Variants in CACNA1C observed in about 807,000 individuals in gnomAD.
The protein encoded by CACNA1C is voltage-dependent L-type calcium channel subunit alpha-1C.
A neutral mutation model predicts 229.0 loss-of-function variants in CACNA1C; 30 were observed. The observed-to-expected ratio is 0.13, with a 90% CI of 0.10 to 0.18. The LOEUF is 0.18. CACNA1C is among the 10% of genes least tolerant of loss of function. The pLI is 1.00. For synonymous variants in CACNA1C, 1,114 were observed against 1,132.5 expected (o/e 0.98, Z 0.33); for missense variants, 1,658 against 2,845.0 (o/e 0.58, Z 9.49).
intron 43 of CACNA1C, 23 bp from the exon 44 acceptor site, chr12:2,685,713 G>GC (rs1338446637): frequency 6.3e-7 from 1 of 1,585,880 alleles, no homozygotes. Flanking sequence ...CCAGGAACAA[G>GC]CCCCATGAGC....
chr12:2,353,847 G>C (rs925064879), intron 3 of CACNA1C, among the ~76,000 whole-genome samples: 5 of 152,190 alleles, frequency 3.3e-5, no homozygotes, highest in Non-Finnish European at 5.9e-5. Flanking sequence ...GAGAGGCAGG[G>C]GAAGGAGATC....
At chr12:2,321,479 G>A (rs749599762) in intron 3 of CACNA1C, among the ~76,000 whole-genome samples, 3 of 152,060 alleles carry the variant, frequency 2.0e-5, no homozygotes, top group Non-Finnish European at 2.9e-5. Flanking sequence ...ATTAATTCTG[G>A]TGGTTTGATA....
At position 2,670,833 on chromosome 12, in the gene CACNA1C, G is replaced by A. The variant is rs559239460; in HGVS notation, c.4726+1798G>A. 1.9e-3 allele frequency among the ~76,000 whole-genome samples: 282 copies of A among 151,318 alleles called. No individual in the cohort carries two copies. The Middle Eastern group carries it at 0.044, about 24-fold the overall frequency. On this transcript the variant is annotated intron_variant, in intron 38 of 46. Transcript: ENST00000399655. ...GAGATCACCCCACTCTAGCCTGGGC[G>A]ACAGAGTGAGGCTCCATCTGAAAAA...
chr12:2,086,048 C>T (rs554936297), intron 1 of CACNA1C, among the ~76,000 whole-genome samples: 89 of 152,314 alleles, frequency 5.8e-4, no homozygotes, highest in South Asian at 4.1e-3. Context: ...GCAGATGCAG[C>T]GGGTTGGGCA....
intron 5 of CACNA1C, among the ~76,000 whole-genome samples, chr12:2,483,710 G>T (rs1016165860): frequency 6.6e-6 from 1 of 152,072 alleles, no homozygotes; most frequent in African/African-American, 2.4e-5. Flanking sequence ...GGTGAGTGGC[G>T]TGACCCCCAG....
intron 3 of CACNA1C, among the ~76,000 whole-genome samples, chr12:2,230,528 G>A (rs917033797): frequency 6.6e-6 from 1 of 152,208 alleles, no homozygotes; most frequent in African/African-American, 2.4e-5. Flanking sequence ...AGAACAGAAG[G>A]GAATGCTGGC....
At chr12:2,540,700 G>A (rs1237974348) in intron 9 of CACNA1C, among the ~76,000 whole-genome samples, 2 of 152,174 alleles carry the variant, frequency 1.3e-5, no homozygotes, top group Non-Finnish European at 2.9e-5. Flanking sequence ...CCAGGGACAG[G>A]GCATGACGTA....
chr12:2,254,530 G>A (rs767660479), intron 3 of CACNA1C, among the ~76,000 whole-genome samples: 2 of 152,140 alleles, frequency 1.3e-5, no homozygotes, highest in African/African-American at 4.8e-5. Context: ...CTTTTGTATC[G>A]TGCTGCGGCA....
At chr12:2,092,480 G>A (rs2071641399) in intron 1 of CACNA1C, among the ~76,000 whole-genome samples, 1 of 152,208 alleles carries the variant, frequency 6.6e-6, no homozygotes, top group African/African-American at 2.4e-5. Flanking sequence ...AAGGGAAGGA[G>A]CCTCGCACCC....
intron 3 of CACNA1C, among the ~76,000 whole-genome samples, chr12:2,434,934 T>G (rs561972260): frequency 6.6e-6 from 1 of 152,364 alleles, no homozygotes; most frequent in East Asian, 1.9e-4. Context: ...AAAACATAGC[T>G]TGGCACATAT....
rs376741836 is a variant in CACNA1C, at chr12:2,593,467, A to G, written c.2663+122A>G. The G allele has an allele frequency of 2.1e-5, 19 of 923,792 alleles. No homozygotes were observed. The Middle Eastern group carries it at 2.0e-3, about 96-fold the overall frequency. 57.2% of individuals were successfully genotyped at this position (923,792 alleles called of 1,614,324 possible). The stretch of plus-strand genomic sequence containing the variant: ...ACTCTCCCAGCTCCTTGCAAATTGT[A>G]TAAACAGGCACTCATTTAGGGAAGA... On this transcript the variant is annotated intron_variant, in intron 19 of 46. Coordinates refer to ENST00000399655, the MANE Select transcript of CACNA1C (RefSeq NM_000719.7).
chr12:2,387,313 C>A (rs991090639), intron 3 of CACNA1C, among the ~76,000 whole-genome samples: 2 of 152,062 alleles, frequency 1.3e-5, no homozygotes, highest in Non-Finnish European at 2.9e-5. Context: ...GCTGAAATCT[C>A]GGCTCTACTG....
At chr12:2,247,915 A>G (rs2074050899) in intron 3 of CACNA1C, among the ~76,000 whole-genome samples, 1 of 152,204 alleles carries the variant, frequency 6.6e-6, no homozygotes, top group Non-Finnish European at 1.5e-5. Flanking sequence ...GCCACTGCAG[A>G]GGGGGGACAG....
intron 3 of CACNA1C, among the ~76,000 whole-genome samples, chr12:2,421,433 G>A (rs1433366426): frequency 6.6e-6 from 1 of 152,102 alleles, no homozygotes; most frequent in East Asian, 1.9e-4. Context: ...CTTTTTTGAG[G>A]GACAAATGGG....
intron 3 of CACNA1C, among the ~76,000 whole-genome samples, chr12:2,234,803 CA>C (rs2066686969): frequency 6.6e-6 from 1 of 152,056 alleles, no homozygotes; most frequent in Admixed American, 6.5e-5. Flanking sequence ...TTAAAAGTAA[CA>C]GGCAGTATAG....
intron 1 of CACNA1C, among the ~76,000 whole-genome samples, chr12:2,101,547 C>T (rs74060152): frequency 3.1e-4 from 47 of 152,254 alleles, no homozygotes; most frequent in African/African-American, 1.1e-3. Context: ...CCTGTGGGTC[C>T]GTGAGCTCCG....
At chr12:2,249,872 G>A (rs542354799) in intron 3 of CACNA1C, among the ~76,000 whole-genome samples, 3 of 150,494 alleles carry the variant, frequency 2.0e-5, no homozygotes, top group South Asian at 4.2e-4. Flanking sequence ...CCAGGTTCAC[G>A]CGATTCTCCT....
At chr12:2,356,389 C>A (rs1225418925) in intron 3 of CACNA1C, among the ~76,000 whole-genome samples, 4 of 152,228 alleles carry the variant, frequency 2.6e-5, no homozygotes, top group African/African-American at 9.6e-5. Context: ...GCAGGACTGT[C>A]CAGAGTCTAT....
At chr12:2,226,147 A>G (rs879941708) in intron 3 of CACNA1C, among the ~76,000 whole-genome samples, 1 of 150,922 alleles carries the variant, frequency 6.6e-6, no homozygotes, top group Admixed American at 6.6e-5. Context: ...ACACACACAC[A>G]CACACACACA....
Sources: allele counts gnomAD v4.1 joint callset (sites outside exome capture counted in the v4.1 genomes callset), GRCh38; gene constraint gnomAD v4.1.1; transcripts MANE v1.5; gene names NCBI Gene and HGNC (gene_info 2026-07-23, HGNC 2026-07-21).